Variants in NELL1 observed in about 807,000 individuals in gnomAD.
NELL1 encodes neural EGFL like 1.
Under a neutral mutation model 107.4 loss-of-function variants are expected in NELL1, and 76 were observed. The observed-to-expected ratio is 0.71, with a 90% CI of 0.59 to 0.86. The LOEUF is 0.86. Among genes scored for constraint, NELL1 ranks in the 40% least tolerant of loss-of-function variants. The pLI, the probability that NELL1 is intolerant of heterozygous loss-of-function variation, is 0.00. For synonymous variants in NELL1, 353 were observed against 341.2 expected (o/e 1.03, Z -0.38); for missense variants, 1,024 against 1,005.5 (o/e 1.02, Z -0.25).
intron 15 of NELL1, among the ~76,000 whole-genome samples, chr11:21,520,689 G>A (rs950055524): frequency 6.6e-6 from 1 of 152,116 alleles, no homozygotes; most frequent in East Asian, 1.9e-4. Flanking sequence ...TTACAACAGA[G>A]GGCCCAGTGT....
At chr11:21,270,636 T>C (rs1017803134) in intron 14 of NELL1, among the ~76,000 whole-genome samples, 1 of 151,994 alleles carries the variant, frequency 6.6e-6, no homozygotes, top group African/African-American at 2.4e-5. Flanking sequence ...TGGCAGAAAA[T>C]TCTTAAGGAC....
chr11:20,974,371 A>G (rs1040301843), intron 12 of NELL1, among the ~76,000 whole-genome samples: 4 of 152,208 alleles, frequency 2.6e-5, no homozygotes, highest in Non-Finnish European at 4.4e-5. Flanking sequence ...GTCACACACT[A>G]TATGACAGAG....
chr11:21,109,258 C>G (rs1305629659), intron 12 of NELL1, among the ~76,000 whole-genome samples: 1 of 152,052 alleles, frequency 6.6e-6, no homozygotes, highest in Non-Finnish European at 1.5e-5. Flanking sequence ...AGGGGCTGTT[C>G]CTAGTTTTCC....
At chr11:21,010,572 G>C (rs906682982) in intron 12 of NELL1, among the ~76,000 whole-genome samples, 1 of 152,146 alleles carries the variant, frequency 6.6e-6, no homozygotes, top group South Asian at 2.1e-4. Context: ...TAGGACCCTG[G>C]TTTCCTTCTT....
chr11:21,374,188 T>C (rs2133757740), intron 15 of NELL1, among the ~76,000 whole-genome samples: 1 of 152,250 alleles, frequency 6.6e-6, no homozygotes, highest in South Asian at 2.1e-4. Flanking sequence ...TTTTTTTTAG[T>C]GGCTTTAAAC....
chr11:20,825,568 G>A (rs72942547), intron 3 of NELL1, among the ~76,000 whole-genome samples: 10,581 of 151,246 alleles, frequency 0.07, 720 homozygotes, highest in South Asian at 0.086. Flanking sequence ...ATTGGATTTC[G>A]AACTTGCATG....
chr11:21,053,323 A>G (rs1326659840), intron 12 of NELL1, among the ~76,000 whole-genome samples: 1 of 151,762 alleles, frequency 6.6e-6, no homozygotes, highest in Admixed American at 6.6e-5. Flanking sequence ...CCCTGTGTCC[A>G]TGTGTTTTCA....
chr11:20,745,049 A>G (rs189326350), intron 2 of NELL1, among the ~76,000 whole-genome samples: 120 of 152,098 alleles, frequency 7.9e-4, no homozygotes, highest in African/African-American at 2.8e-3. Context: ...TATCTTTTCC[A>G]TCACCCTTTT....
chr11:21,497,799 G>T (rs1480127694), intron 15 of NELL1, among the ~76,000 whole-genome samples: 1 of 151,934 alleles, frequency 6.6e-6, no homozygotes, highest in African/African-American at 2.4e-5. Context: ...GATTCTACTT[G>T]AATTCATGAG....
rs1237241848 is a variant in NELL1 at position 21,374,877 on chromosome 11, C to CTGTGTGTGTGTG, written c.1645+3938_1645+3939insGTGTGTGTGTGT. Among the ~76,000 whole-genome samples, 16 of 89,892 alleles carry CTGTGTGTGTGTG rather than the reference C, an allele frequency of 1.8e-4. No individual in the cohort carries two copies. The South Asian group carries it at 8.5e-3, about 48-fold the overall frequency. 59.0% of individuals were successfully genotyped at this position (89,892 alleles called of 152,430 possible). A position where few individuals can be genotyped will look rare whatever the true frequency, so the allele number is the denominator to read the frequency against. ...CAGCTACCAGGCTGTGTGGAACTGA[C>CTGTGTGTGTGTG]TGTGTGTGTCTGTGTGTGTGTGTGT... On this transcript the variant is annotated intron_variant, in intron 15 of 19. Transcript: ENST00000357134.
intron 2 of NELL1, among the ~76,000 whole-genome samples, chr11:20,697,395 C>CCTT (rs1854648411): frequency 9.3e-6 from 1 of 107,484 alleles, no homozygotes; most frequent in African/African-American, 3.6e-5. Flanking sequence ...TAATATGTTG[C>CCTT]TTTTTTTTTT....
intron 2 of NELL1, among the ~76,000 whole-genome samples, chr11:20,734,519 G>A (rs924396763): frequency 7.2e-5 from 11 of 152,246 alleles, no homozygotes; most frequent in Non-Finnish European, 1.5e-4. Context: ...TATTTTATAG[G>A]TAGAGACAAC....
intron 15 of NELL1, among the ~76,000 whole-genome samples, chr11:21,444,629 G>A (rs529487871): frequency 2.6e-5 from 4 of 151,760 alleles, no homozygotes; most frequent in South Asian, 2.1e-4. Flanking sequence ...ATATACTTAC[G>A]GGGTATATGG....
rs374189968 is a variant in NELL1, at chr11:21,131,151, T to C, written c.1426+17437T>C. 5.3e-5 allele frequency among the ~76,000 whole-genome samples: 8 copies of C among 152,262 alleles called. No individual in the cohort carries two copies. The East Asian group carries it at 1.2e-3, about 22-fold the overall frequency. ...TAGGATGTGCATGCACACCTAACAA[T>C]GCCACCTACCCGTTTGTTCACTTCT... On this transcript the variant is annotated intron_variant, in intron 13 of 19. Transcript: ENST00000357134.
Position 20,823,351 on chromosome 11 carries a change from A to G in NELL1, c.336-24232A>G, listed in dbSNP as rs1020347471. Among the ~76,000 whole-genome samples, 4 of 151,214 alleles carry G rather than the reference A, an allele frequency of 2.6e-5. 1 individual carries two copies. The highest frequency in any genetic ancestry group is 1.3e-4 in the Admixed American group (2 of 15,042). On this transcript the variant is annotated intron_variant, in intron 3 of 19. Coordinates refer to ENST00000357134, the MANE Select transcript of NELL1 (RefSeq NM_006157.5). ...TGGGCGAAACTGTCGCCATGATTCAATGATCTCCCACTGGGTCTCTCCCAC... is the reference window on the plus strand; with the variant it reads ...TGGGCGAAACTGTCGCCATGATTCAGTGATCTCCCACTGGGTCTCTCCCAC...
At chr11:21,054,151 A>G (rs1472862733) in intron 12 of NELL1, among the ~76,000 whole-genome samples, 1 of 152,008 alleles carries the variant, frequency 6.6e-6, no homozygotes, top group African/African-American at 2.4e-5. Flanking sequence ...AACTCTTCCA[A>G]TTTCTGCCTG....
At chr11:20,922,238 A>G (rs1227974029) in intron 7 of NELL1, among the ~76,000 whole-genome samples, 1 of 152,108 alleles carries the variant, frequency 6.6e-6, no homozygotes, top group Non-Finnish European at 1.5e-5. Context: ...ACATTGCATC[A>G]AAAATCTTCA....
chr11:21,031,305 C>A (rs995422799), intron 12 of NELL1, among the ~76,000 whole-genome samples: 7 of 152,028 alleles, frequency 4.6e-5, no homozygotes, highest in Non-Finnish European at 8.8e-5. Context: ...CTGACTGTTC[C>A]CTTTGAGTAA....
intron 13 of NELL1, among the ~76,000 whole-genome samples, chr11:21,114,687 G>T (rs1003418510): frequency 2.0e-4 from 31 of 152,060 alleles, no homozygotes; most frequent in African/African-American, 7.5e-4. Flanking sequence ...AAGGGCTGGA[G>T]AGTTCAGATT....
Sources: allele counts gnomAD v4.1 joint callset (sites outside exome capture counted in the v4.1 genomes callset), GRCh38; gene constraint gnomAD v4.1.1; transcripts MANE v1.5; gene names NCBI Gene and HGNC (gene_info 2026-07-23, HGNC 2026-07-21).